Variants in NAALADL2 observed in about 807,000 individuals in gnomAD.
The protein encoded by NAALADL2 is inactive N-acetylated-alpha-linked acidic dipeptidase-like protein 2.
Under a neutral mutation model 87.2 loss-of-function variants are expected in NAALADL2, and 76 were observed. The observed-to-expected ratio is 0.87, with a 90% CI of 0.72 to 1.05. The LOEUF (loss-of-function observed/expected upper bound fraction) is 1.05. NAALADL2 is among the 50% of genes least tolerant of loss of function. The pLI is 0.00. For missense variants in NAALADL2, 1,089 were observed against 945.8 expected (o/e 1.15, Z -1.99); for synonymous variants, 354 against 331.0 (o/e 1.07, Z -0.75).
intron 3 of NAALADL2, among the ~76,000 whole-genome samples, chr3:174,838,192 T>A (rs1408572792): frequency 1.3e-5 from 2 of 151,994 alleles, no homozygotes; most frequent in African/African-American, 4.8e-5. Context: ...GTTTAACATA[T>A]GCAAGTCAAT....
chr3:175,789,143 C>T lies in NAALADL2; in HGVS notation c.2190-13862C>T, dbSNP rs996164431. 3.9e-5 allele frequency among the ~76,000 whole-genome samples: 6 copies of T among 152,270 alleles called. No individual in the cohort carries two copies. The South Asian group carries it at 8.3e-4, about 21-fold the overall frequency. On this transcript the variant is annotated intron_variant, in intron 13 of 13. Coordinates refer to ENST00000454872, the MANE Select transcript of NAALADL2 (RefSeq NM_207015.3). ...GCATTTAAATTAACTGAAAACTCAACAATCCCTTTGGAACTGAGATTGCTT... is the reference window on the plus strand; with the variant it reads ...GCATTTAAATTAACTGAAAACTCAATAATCCCTTTGGAACTGAGATTGCTT...
intron 5 of NAALADL2, among the ~76,000 whole-genome samples, chr3:175,402,197 A>T (rs2149062656): frequency 6.6e-6 from 1 of 152,254 alleles, no homozygotes; most frequent in Non-Finnish European, 1.5e-5. Flanking sequence ...AACATAAAAC[A>T]AATTGTAATT....
intron 3 of NAALADL2, among the ~76,000 whole-genome samples, chr3:175,240,421 C>G (rs1023429484): frequency 5.9e-5 from 9 of 152,170 alleles, no homozygotes; most frequent in African/African-American, 2.2e-4. Flanking sequence ...GCTGGAAAAA[C>G]TTGGTCTTTC....
At chr3:175,333,837 G>A (rs1023701362) in intron 5 of NAALADL2, among the ~76,000 whole-genome samples, 7 of 152,146 alleles carry the variant, frequency 4.6e-5, no homozygotes, top group Admixed American at 1.3e-4. Context: ...GACTTGAAAT[G>A]TTCCCAATGT....
rs1194202451 is a variant in NAALADL2, at chr3:175,808,286, A to G, written c.*5083A>G. On this transcript the variant is annotated 3_prime_UTR_variant, in exon 14 of 14. Transcript: ENST00000454872. ...AAAGGGTTAAATTGAGGCAGTTTCA[A>G]GCAGCATTTAGGAAAATGAAGTGGC... The G allele has an allele frequency of 6.6e-6, 1 of 151,992 alleles. No homozygotes were observed. Among genetic ancestry groups the G allele is most frequent in the African/African-American group, 2.4e-5 (1 of 41,428 alleles). 9.4% of individuals were successfully genotyped at this position (151,992 alleles called of 1,614,324 possible).
chr3:175,783,497 GCTCT>G (rs1387912959), intron 13 of NAALADL2, among the ~76,000 whole-genome samples: 5 of 151,324 alleles, frequency 3.3e-5, no homozygotes. Context: ...TCATGATTTG[GCTCT>G]CTGTCTGTTA....
chr3:174,832,466 G>A (rs927239219), intron 3 of NAALADL2, among the ~76,000 whole-genome samples: 2 of 151,798 alleles, frequency 1.3e-5, no homozygotes, highest in Non-Finnish European at 2.9e-5. Context: ...GCCCTGTGGT[G>A]TTGTTGTTTT....
chr3:175,751,205 T>C (rs537951250), intron 12 of NAALADL2, among the ~76,000 whole-genome samples: 1 of 152,290 alleles, frequency 6.6e-6, no homozygotes, highest in East Asian at 1.9e-4. Context: ...GTTTAATTCC[T>C]TTATCCTTTA....
intron 1 of NAALADL2, among the ~76,000 whole-genome samples, chr3:175,013,499 A>T (rs758999253): frequency 4.0e-5 from 6 of 150,890 alleles, no homozygotes; most frequent in African/African-American, 7.3e-5. Context: ...AGATTTTGCC[A>T]TGTTGTCCAT....
intron 4 of NAALADL2, among the ~76,000 whole-genome samples, chr3:175,269,968 G>A (rs944326453): frequency 2.0e-5 from 3 of 152,202 alleles, no homozygotes; most frequent in African/African-American, 2.4e-5. Context: ...AATAACTGGT[G>A]AAGTCAGGTA....
intron 1 of NAALADL2, among the ~76,000 whole-genome samples, chr3:174,974,065 A>G (rs1405723062): frequency 3.4e-4 from 51 of 152,238 alleles, no homozygotes; most frequent in Non-Finnish European, 8.8e-5. Context: ...ATTAACATAC[A>G]TTTGATTTTT....
intron 1 of NAALADL2, chr3:175,081,342 G>A (rs537897157): frequency 6.6e-6 from 1 of 152,216 alleles, no homozygotes; most frequent in Non-Finnish European, 1.5e-5. Flanking sequence ...ATTCATCAGC[G>A]TTTAGTATAA....
intron 5 of NAALADL2, among the ~76,000 whole-genome samples, chr3:175,335,197 ATTTAAC>A (rs1323486224): frequency 1.3e-5 from 2 of 152,212 alleles, no homozygotes; most frequent in African/African-American, 4.8e-5. Context: ...ATATATGGCT[ATTTAAC>A]TTTAAATTAA....
intron 9 of NAALADL2, among the ~76,000 whole-genome samples, chr3:175,545,213 T>G (rs1287163647): frequency 2.6e-5 from 4 of 152,284 alleles, no homozygotes; most frequent in African/African-American, 4.8e-5. Context: ...ATATCCAGAA[T>G]TAAAAGGAAA....
intron 6 of NAALADL2, among the ~76,000 whole-genome samples, chr3:175,461,329 A>G (rs894892606): frequency 1.3e-5 from 2 of 151,906 alleles, no homozygotes; most frequent in East Asian, 3.9e-4. Context: ...TGGCACATTT[A>G]CAATCCTTTG....
intron 3 of NAALADL2, among the ~76,000 whole-genome samples, chr3:174,820,493 G>C (rs1422016168): frequency 1.3e-5 from 2 of 152,092 alleles, no homozygotes; most frequent in African/African-American, 4.8e-5. Context: ...TAAACAGTGA[G>C]TATATCTATA....
intron 2 of NAALADL2, among the ~76,000 whole-genome samples, chr3:174,552,417 C>A (rs1476070264): frequency 6.6e-6 from 1 of 152,096 alleles, no homozygotes; most frequent in Non-Finnish European, 1.5e-5. Flanking sequence ...TTCTTAATGA[C>A]AAACATATCT....
At chr3:175,325,509 A>G (rs1418238694) in intron 5 of NAALADL2, among the ~76,000 whole-genome samples, 1 of 152,196 alleles carries the variant, frequency 6.6e-6, no homozygotes, top group African/African-American at 2.4e-5. Flanking sequence ...CTCATTTGCA[A>G]ATACACTCAC....
At chr3:174,857,257 A>G (rs1359344861), upstream of NAALADL2, among the ~76,000 whole-genome samples, 1 of 152,198 alleles carries the variant, frequency 6.6e-6, no homozygotes, top group East Asian at 1.9e-4. Flanking sequence ...AAGACCCAGA[A>G]GGAGAAAGAA....
Sources: allele counts gnomAD v4.1 joint callset (sites outside exome capture counted in the v4.1 genomes callset), GRCh38; gene constraint gnomAD v4.1.1; transcripts MANE v1.5; gene names NCBI Gene and HGNC (gene_info 2026-07-23, HGNC 2026-07-21).